The following SEMA5A variants were observed in gnomAD, a reference collection of about 807,000 sequenced individuals.
The protein encoded by SEMA5A is semaphorin 5A.
Under a neutral mutation model 135.5 loss-of-function variants are expected in SEMA5A, and 55 were observed. That is an observed-to-expected ratio of 0.41 (90% CI 0.33 to 0.51). The LOEUF is 0.51. SEMA5A is among the 20% of genes least tolerant of loss of function. SEMA5A has a pLI of 0.37. For missense variants in SEMA5A, 1,290 were observed against 1,419.9 expected, an observed-to-expected ratio of 0.91 and a Z score of 1.47; for synonymous variants, 580 against 546.5, an observed-to-expected ratio of 1.06 and a Z score of -0.85.
intron 16 of SEMA5A, among the ~76,000 whole-genome samples, chr5:9,081,926 G>A (rs1038542216): frequency 1.3e-5 from 2 of 152,124 alleles, no homozygotes; most frequent in East Asian, 1.9e-4. Context: ...CCTAAAAGGC[G>A]ACTCCACAGG....
At chr5:9,330,319 G>C (rs1462770621) in intron 4 of SEMA5A, among the ~76,000 whole-genome samples, 1 of 151,816 alleles carries the variant, frequency 6.6e-6, no homozygotes, top group East Asian at 1.9e-4. Flanking sequence ...GAACCCGGGA[G>C]GCGGAGCTTG....
chr5:9,262,744 G>A (rs1458631877), intron 5 of SEMA5A, among the ~76,000 whole-genome samples: 1 of 98,324 alleles, frequency 1.0e-5, no homozygotes, highest in Non-Finnish European at 2.0e-5. Context: ...TGGGGACTGT[G>A]GTGGGGTCGG....
rs1378151075 is a variant in SEMA5A, at chr5:9,353,098, G to GAAAGGAAAGGAAAGGAAAGGGA, written c.125-15287_125-15286insTCCCTTTCCTTTCCTTTCCTTT. Among the ~76,000 whole-genome samples, 55 of 21,792 alleles carry GAAAGGAAAGGAAAGGAAAGGGA rather than the reference G, an allele frequency of 2.5e-3. 5 individuals are homozygous for GAAAGGAAAGGAAAGGAAAGGGA. The highest frequency in any genetic ancestry group is 0.011 in the African/African-American group (44 of 3,980). The allele number at this position is 21,792 out of a possible 152,430, so 14.3% of individuals were successfully genotyped here. On this transcript the variant is annotated intron_variant, in intron 3 of 22. Transcript: ENST00000382496. Reference sequence around the variant, plus strand: ...GGAAAGGAAAGGAAAGGAAAGGAAGGAAGGAAAGGAAAGGAAAGGAAAGGA... The same window carrying GAAAGGAAAGGAAAGGAAAGGGA: ...GGAAAGGAAAGGAAAGGAAAGGAAGGAAAGGAAAGGAAAGGAAAGGGAAAGGAAAGGAAAGGAAAGGAAAGGA...
At chr5:9,359,472 G>A (rs1528057) in intron 3 of SEMA5A, among the ~76,000 whole-genome samples, 6,437 of 152,212 alleles carry the variant, frequency 0.042, 434 homozygotes, top group African/African-American at 0.15. Context: ...ATAACATAAT[G>A]GCCAGAATAA....
At chr5:9,295,245 G>C (rs1423190097) in intron 5 of SEMA5A, among the ~76,000 whole-genome samples, 1 of 152,114 alleles carries the variant, frequency 6.6e-6, no homozygotes, top group Non-Finnish European at 1.5e-5. Context: ...GTCCATTTGG[G>C]TGAATCTGAT....
intron 5 of SEMA5A, among the ~76,000 whole-genome samples, chr5:9,253,141 A>G (rs1748887799): frequency 6.6e-6 from 1 of 152,180 alleles, no homozygotes; most frequent in African/African-American, 2.4e-5. Context: ...AGTGCTTTCT[A>G]GGACAATCAT....
At chr5:9,425,588 T>C (rs1288214989) in intron 2 of SEMA5A, among the ~76,000 whole-genome samples, 1 of 152,234 alleles carries the variant, frequency 6.6e-6, no homozygotes, top group East Asian at 1.9e-4. Context: ...TTTATACAGA[T>C]GTCTGTCCTT....
At chr5:9,153,723 A>G (rs190042954) in intron 12 of SEMA5A, among the ~76,000 whole-genome samples, 1 of 152,094 alleles carries the variant, frequency 6.6e-6, no homozygotes, top group Non-Finnish European at 1.5e-5. Flanking sequence ...ACCTTATAAT[A>G]TTTTTTGTTA....
chr5:9,121,479 G>T (rs3777253), intron 14 of SEMA5A, among the ~76,000 whole-genome samples: 32,605 of 152,162 alleles, frequency 0.21, 4,045 homozygotes, highest in East Asian at 0.34. Context: ...ACTGAAGACA[G>T]ATCGATAAAT....
At chr5:9,385,412 C>T (rs1273662993) in intron 2 of SEMA5A, among the ~76,000 whole-genome samples, 1 of 152,146 alleles carries the variant, frequency 6.6e-6, no homozygotes, top group Non-Finnish European at 1.5e-5. Flanking sequence ...AAAACAGATC[C>T]AACATAAGCT....
intron 12 of SEMA5A, among the ~76,000 whole-genome samples, chr5:9,153,638 C>T (rs1199594277): frequency 6.6e-6 from 1 of 151,812 alleles, no homozygotes; most frequent in Non-Finnish European, 1.5e-5. Flanking sequence ...AAAGTGGGTG[C>T]CACTGCAGCA....
At chr5:9,491,536 T>G (rs1735003709) in intron 1 of SEMA5A, among the ~76,000 whole-genome samples, 1 of 151,638 alleles carries the variant, frequency 6.6e-6, no homozygotes. Context: ...TGGATGCAAA[T>G]GCAGGCAAAA....
chr5:9,258,155 T>C (rs1749182387), intron 5 of SEMA5A, among the ~76,000 whole-genome samples: 1 of 152,146 alleles, frequency 6.6e-6, no homozygotes, highest in Admixed American at 6.5e-5. Flanking sequence ...TTCCTGTTGA[T>C]TTGAAAAGAA....
At chr5:9,258,352 G>T (rs988330861) in intron 5 of SEMA5A, among the ~76,000 whole-genome samples, 1 of 152,152 alleles carries the variant, frequency 6.6e-6, no homozygotes, top group Non-Finnish European at 1.5e-5. Context: ...ACTTTGTCTT[G>T]GGATTGGATT....
chr5:9,081,748 T>A (rs1738398284), intron 16 of SEMA5A, among the ~76,000 whole-genome samples: 1 of 152,212 alleles, frequency 6.6e-6, no homozygotes, highest in Admixed American at 6.5e-5. Context: ...AGAATAGTGA[T>A]GAACTATGCA....
chr5:9,440,222 A>G (rs1758184591), intron 1 of SEMA5A, among the ~76,000 whole-genome samples: 1 of 152,252 alleles, frequency 6.6e-6, no homozygotes, highest in South Asian at 2.1e-4. Context: ...CTCTCCCAGC[A>G]AGGTCATAAA....
intron 16 of SEMA5A, among the ~76,000 whole-genome samples, chr5:9,084,203 C>T (rs565740262): frequency 3.3e-5 from 5 of 152,302 alleles, no homozygotes; most frequent in East Asian, 1.9e-4. Flanking sequence ...TGTAAATACT[C>T]AAGATGTGTG....
intron 11 of SEMA5A, among the ~76,000 whole-genome samples, chr5:9,170,732 C>G (rs1322235166): frequency 3.3e-5 from 5 of 152,186 alleles, no homozygotes; most frequent in Admixed American, 2.6e-4. Context: ...GATTTCATGG[C>G]TTTTCATCCC....
chr5:9,104,018 C>T (rs1739771824), intron 16 of SEMA5A, among the ~76,000 whole-genome samples: 2 of 152,186 alleles, frequency 1.3e-5, no homozygotes, highest in South Asian at 4.1e-4. Context: ...AGCTACACTT[C>T]AACCTAAATA....
Sources: gnomAD v4.1 joint callset for allele counts (sites outside exome capture counted in the v4.1 genomes callset) on GRCh38, gnomAD v4.1.1 for gene constraint, MANE v1.5 for transcripts, NCBI Gene and HGNC (gene_info 2026-07-23, HGNC 2026-07-21) for gene names.